GHR: variants seen among roughly 807,000 people sequenced by gnomAD.
The protein encoded by GHR is GH receptor.
Under a neutral mutation model 67.1 loss-of-function variants are expected in GHR, and 35 were observed. That is an observed-to-expected ratio of 0.52 (90% CI 0.40 to 0.69). The LOEUF is 0.69. GHR is among the 30% of genes least tolerant of loss of function. GHR has a pLI of 0.00. For missense variants in GHR, 792 were observed against 764.6 expected (o/e 1.04, Z -0.42); for synonymous variants, 272 against 269.1 (o/e 1.01, Z -0.10).
chr5:42,474,350 G>GAAAAGAAAT lies in GHR; in HGVS notation c.-12+50398_-12+50399insAGAAATAAA, dbSNP rs1204577878. Among the ~76,000 whole-genome samples, 55 of 143,640 alleles carry GAAAAGAAAT rather than the reference G, an allele frequency of 3.8e-4. No individual in the cohort carries two copies. The East Asian group carries it at 8.6e-3, about 22-fold the overall frequency. 94.2% of individuals were successfully genotyped at this position (143,640 alleles called of 152,430 possible). On this transcript the variant is annotated intron_variant, in intron 1 of 9. Coordinates refer to ENST00000230882, the MANE Select transcript of GHR (RefSeq NM_000163.5). Reference sequence around the variant, plus strand: ...GAAAGAAAGAAAGAAAAGAAATAAAGAAAGAAAGCAAAGTGTCTGTCTGCC... The same window carrying GAAAAGAAAT: ...GAAAGAAAGAAAGAAAAGAAATAAAGAAAAGAAATAAAGAAAGCAAAGTGTCTGTCTGCC...
At chr5:42,658,138 T>C (rs1255987615) in intron 3 of GHR, among the ~76,000 whole-genome samples, 1 of 152,152 alleles carries the variant, frequency 6.6e-6, no homozygotes, top group Non-Finnish European at 1.5e-5. Context: ...AGTACAGGAC[T>C]CTTAATTATT....
intron 3 of GHR, among the ~76,000 whole-genome samples, chr5:42,670,420 G>T (rs1318136144): frequency 6.6e-6 from 1 of 152,088 alleles, no homozygotes; most frequent in Non-Finnish European, 1.5e-5. Context: ...TAAAACTAAT[G>T]CAGAAAATAT....
At chr5:42,682,431 G>A (rs76077758) in intron 3 of GHR, among the ~76,000 whole-genome samples, 2,650 of 152,252 alleles carry the variant, frequency 0.017, 136 homozygotes, top group South Asian at 0.15. Context: ...TGTTGTCTTC[G>A]TAGTAAAAGT....
chr5:42,465,364 G>T (rs1356002448), intron 1 of GHR: 1 of 935,526 alleles, frequency 1.1e-6, no homozygotes, highest in Non-Finnish European at 1.7e-6. Flanking sequence ...GTAAGAGAAA[G>T]TTAGGTTAAG....
intron 1 of GHR, among the ~76,000 whole-genome samples, chr5:42,461,548 C>T (rs186143035): frequency 6.0e-4 from 91 of 152,322 alleles, no homozygotes; most frequent in African/African-American, 2.1e-3. Context: ...CTTCCCTGAA[C>T]CCTGGAACTG....
In GHR at chr5:42,458,316, A is replaced by C. The variant is rs113077672; in HGVS notation, c.-12+34361A>C. 4.7e-3 allele frequency among the ~76,000 whole-genome samples: 716 copies of C among 152,338 alleles called. 9 individuals are homozygous for C. The highest frequency in any genetic ancestry group is 0.014 in the Middle Eastern group (4 of 294). On this transcript the variant is annotated intron_variant, in intron 1 of 9. Transcript: ENST00000230882. ...AATGGAACAGATTAGAGAGCCCAGA[A>C]ATAATGCCACACACCTACAACAATC... is the stretch of plus-strand genomic sequence containing the variant.
intron 1 of GHR, among the ~76,000 whole-genome samples, chr5:42,511,744 G>A (rs948292088): frequency 6.6e-6 from 1 of 151,976 alleles, no homozygotes; most frequent in Non-Finnish European, 1.5e-5. Flanking sequence ...ATCAAACCTG[G>A]TTTTATGTCT....
chr5:42,510,748 T>C (rs1311162766), intron 1 of GHR, among the ~76,000 whole-genome samples: 2 of 152,114 alleles, frequency 1.3e-5, no homozygotes, highest in Non-Finnish European at 2.9e-5. Context: ...TGAATGGAGC[T>C]CTGAGCCAGA....
In GHR at chr5:42,720,773, T is replaced by C. The variant is rs1029314562; in HGVS notation, c.*1349T>C. ...CTCACTAAATCTTTTATAGGATTTA[T>C]TTAAAATAGCAAAAGAAGAAGTTTC... On this transcript the variant is annotated 3_prime_UTR_variant, in exon 10 of 10. Transcript: ENST00000230882. 5 of 152,232 alleles carry C rather than the reference T, an allele frequency of 3.3e-5. No individual in the cohort carries two copies. The highest frequency in any genetic ancestry group is 9.6e-5 in the African/African-American group (4 of 41,460). 9.4% of individuals were successfully genotyped at this position (152,232 alleles called of 1,614,324 possible). A position where few individuals can be genotyped will look rare whatever the true frequency, so the allele number is the denominator to read the frequency against.
intron 1 of GHR, among the ~76,000 whole-genome samples, chr5:42,495,076 C>T (rs570006871): frequency 0.043 from 242 of 5,636 alleles, no homozygotes; most frequent in Non-Finnish European, 0.31. Flanking sequence ...CCAATTCCCA[C>T]GCCCCCCCCC....
At chr5:42,667,835 C>T (rs6897530) in intron 3 of GHR, among the ~76,000 whole-genome samples, 100,293 of 152,092 alleles carry the variant, frequency 0.66, 34,344 homozygotes, top group East Asian at 0.82. Context: ...TTTCCATTTC[C>T]GGCAAACTGG....
intron 2 of GHR, among the ~76,000 whole-genome samples, chr5:42,608,844 G>A (rs566874043): frequency 3.7e-4 from 56 of 152,140 alleles, no homozygotes; most frequent in African/African-American, 1.3e-3. Context: ...AGTATACAAA[G>A]CAAAGGGATT....
chr5:42,575,565 C>A (rs1750611970), intron 2 of GHR, among the ~76,000 whole-genome samples: 1 of 151,778 alleles, frequency 6.6e-6, no homozygotes, highest in Non-Finnish European at 1.5e-5. Context: ...CCAGATTATC[C>A]TCAGTTGGTG....
intron 3 of GHR, 150 bp downstream of exon 3, chr5:42,629,253 A>G: frequency 1.6e-6 from 1 of 610,220 alleles, no homozygotes; most frequent in South Asian, 1.8e-5. Flanking sequence ...ACATTTTTTA[A>G]GGATTTATTT....
At chr5:42,532,551 A>G (rs1579884594) in intron 1 of GHR, among the ~76,000 whole-genome samples, 1 of 152,130 alleles carries the variant, frequency 6.6e-6, no homozygotes, top group Middle Eastern at 3.4e-3. Context: ...CAGTCTCATT[A>G]TTTTCTCTGC....
intron 1 of GHR, among the ~76,000 whole-genome samples, chr5:42,532,155 T>A (rs562284371): frequency 1.2e-4 from 19 of 152,210 alleles, no homozygotes; most frequent in Admixed American, 5.2e-4. Flanking sequence ...AAACTGGAAC[T>A]GAGAAAGCTC....
intron 1 of GHR, chr5:42,549,573 G>A: frequency 1.8e-6 from 1 of 556,518 alleles, no homozygotes; most frequent in African/African-American, 2.0e-5. Flanking sequence ...GAGTAGCAAA[G>A]ATGGATTAAG....
chr5:42,667,164 T>C (rs1756028642), intron 3 of GHR, among the ~76,000 whole-genome samples: 1 of 152,168 alleles, frequency 6.6e-6, no homozygotes, highest in Non-Finnish European at 1.5e-5. Context: ...GCCGTGAGCA[T>C]GTTTCTGCTA....
chr5:42,527,739 A>G (rs2112327893), intron 1 of GHR, among the ~76,000 whole-genome samples: 1 of 152,266 alleles, frequency 6.6e-6, no homozygotes, highest in East Asian at 1.9e-4. Flanking sequence ...TCCACCTAAA[A>G]ATAACAAAAT....
Sources: gnomAD v4.1 joint callset for allele counts (sites outside exome capture counted in the v4.1 genomes callset) on GRCh38, gnomAD v4.1.1 for gene constraint, MANE v1.5 for transcripts, NCBI Gene and HGNC (gene_info 2026-07-23, HGNC 2026-07-21) for gene names.